Variants in MSRA observed in about 807,000 individuals in gnomAD.
MSRA encodes mitochondrial peptide methionine sulfoxide reductase.
MSRA carries 54 observed loss-of-function variants against 31.3 expected under a neutral mutation model. The ratio of observed to expected loss-of-function variants is 1.73; its 90% confidence interval spans 1.39 to 2.17. The LOEUF is 2.17. Among genes scored for constraint, MSRA ranks in the 30% most tolerant of loss-of-function variants. The pLI is 0.00. For synonymous variants in MSRA, 169 were observed against 116.5 expected (o/e 1.45, Z -2.90); for missense variants, 507 against 300.9 (o/e 1.69, Z -5.07).
chr8:10,359,823 G>A (rs1208443254), intron 5 of MSRA, among the ~76,000 whole-genome samples: 3 of 152,152 alleles, frequency 2.0e-5, no homozygotes, highest in East Asian at 1.9e-4. Flanking sequence ...CGTGAACAGT[G>A]GTCTTGAGTT....
intron 5 of MSRA, among the ~76,000 whole-genome samples, chr8:10,355,998 G>A (rs558552640): frequency 2.9e-4 from 44 of 152,266 alleles, no homozygotes; most frequent in African/African-American, 9.4e-4. Flanking sequence ...CAGGTCCTAC[G>A]TGGTACCACA....
intron 1 of MSRA, among the ~76,000 whole-genome samples, chr8:10,117,263 G>T (rs1008713384): frequency 6.6e-6 from 1 of 152,160 alleles, no homozygotes; most frequent in Non-Finnish European, 1.5e-5. Context: ...AACATGGGAT[G>T]GGGGAGGAGA....
intron 5 of MSRA, among the ~76,000 whole-genome samples, chr8:10,412,631 C>G (rs1281339770): frequency 6.6e-6 from 1 of 152,118 alleles, no homozygotes; most frequent in African/African-American, 2.4e-5. Context: ...AAAATGGACA[C>G]GAGATTAGAA....
At chr8:10,257,502 G>A (rs1798246055) in intron 3 of MSRA, among the ~76,000 whole-genome samples, 1 of 152,138 alleles carries the variant, frequency 6.6e-6, no homozygotes, top group East Asian at 1.9e-4. Context: ...CGCCTCCCTG[G>A]CTCAAGCGAT....
chr8:10,111,936 A>G (rs915718616), intron 1 of MSRA, among the ~76,000 whole-genome samples: 44 of 152,324 alleles, frequency 2.9e-4, no homozygotes, highest in Non-Finnish European at 5.4e-4. Flanking sequence ...AGCTGAGGTC[A>G]TAGCCGCTTC....
At chr8:10,278,841 T>C (rs556819720) in intron 3 of MSRA, among the ~76,000 whole-genome samples, 1 of 152,332 alleles carries the variant, frequency 6.6e-6, no homozygotes, top group African/African-American at 2.4e-5. Context: ...CATCTCTACA[T>C]TCCCGTCAGA....
intron 1 of MSRA, chr8:10,096,391 A>C (rs918936301): frequency 2.9e-6 from 2 of 701,152 alleles, no homozygotes; most frequent in Admixed American, 6.0e-5. Context: ...GGAGGTGTCT[A>C]TGTCTAAGAG....
intron 5 of MSRA, among the ~76,000 whole-genome samples, chr8:10,325,462 TG>T (rs562830003): frequency 4.5e-4 from 69 of 152,192 alleles, no homozygotes; most frequent in African/African-American, 1.4e-3. Context: ...AGATCTTAGG[TG>T]TTTATCTGTG....
intron 3 of MSRA, among the ~76,000 whole-genome samples, chr8:10,254,448 A>G (rs1452341262): frequency 6.6e-6 from 1 of 152,234 alleles, no homozygotes; most frequent in Non-Finnish European, 1.5e-5. Context: ...GACTTAGCAC[A>G]TAATACCCAT....
intron 5 of MSRA, chr8:10,354,022 C>A (rs1317175719): frequency 6.1e-6 from 1 of 164,612 alleles, no homozygotes; most frequent in African/African-American, 2.4e-5. Flanking sequence ...TAGTGCCCTG[C>A]ATTGCAGTGT....
At chr8:10,134,675 G>C (rs944012572) in intron 1 of MSRA, among the ~76,000 whole-genome samples, 2 of 152,228 alleles carry the variant, frequency 1.3e-5, no homozygotes, top group African/African-American at 4.8e-5. Context: ...CGGAAGCCTG[G>C]TGGTGACAGG....
chr8:10,272,243 G>A (rs1259864645), intron 3 of MSRA, among the ~76,000 whole-genome samples: 1 of 152,168 alleles, frequency 6.6e-6, no homozygotes, highest in Non-Finnish European at 1.5e-5. Flanking sequence ...TCGATCTAGA[G>A]GTTAATGTAT....
At chr8:10,137,325 A>C (rs940337117) in intron 1 of MSRA, among the ~76,000 whole-genome samples, 13 of 152,112 alleles carry the variant, frequency 8.5e-5, no homozygotes, top group Non-Finnish European at 1.9e-4. Context: ...TGACTTAGGA[A>C]CGTCTTGGTG....
chr8:10,107,775 T>C (rs751533183), intron 1 of MSRA, among the ~76,000 whole-genome samples: 5 of 152,190 alleles, frequency 3.3e-5, no homozygotes, highest in South Asian at 2.1e-4. Flanking sequence ...GGTGAGCCTG[T>C]CTTGTCCGGG....
chr8:10,258,157 C>T (rs1035397550), intron 3 of MSRA, among the ~76,000 whole-genome samples: 2 of 152,192 alleles, frequency 1.3e-5, no homozygotes, highest in Admixed American at 1.3e-4. Flanking sequence ...GATTATCTGA[C>T]TTGTGTAAAC....
intron 1 of MSRA, among the ~76,000 whole-genome samples, chr8:10,061,395 C>T (rs182828081): frequency 5.3e-5 from 8 of 152,266 alleles, no homozygotes; most frequent in East Asian, 1.9e-4. Flanking sequence ...CCCCTTCTCC[C>T]GGAAACCCAT....
At chr8:10,149,565 CAG>C (rs890382376) in intron 1 of MSRA, among the ~76,000 whole-genome samples, 5 of 151,950 alleles carry the variant, frequency 3.3e-5, no homozygotes, top group African/African-American at 1.2e-4. Context: ...CCCCTTTTTG[CAG>C]AGAGAGAAGG....
At chr8:10,321,316 A>G (rs1391223975) in intron 5 of MSRA, among the ~76,000 whole-genome samples, 1 of 152,180 alleles carries the variant, frequency 6.6e-6, no homozygotes, top group Non-Finnish European at 1.5e-5. Flanking sequence ...AAAGTCAGGT[A>G]TGCAACAGCC....
chr8:10,291,673 G>A (rs562323757), intron 3 of MSRA, among the ~76,000 whole-genome samples: 4 of 152,046 alleles, frequency 2.6e-5, no homozygotes, highest in South Asian at 2.1e-4. Flanking sequence ...ACCCACCCTC[G>A]CCCCTTTCTC....
Sources: gnomAD v4.1 joint callset for allele counts (sites outside exome capture counted in the v4.1 genomes callset) on GRCh38, gnomAD v4.1.1 for gene constraint, MANE v1.5 for transcripts, NCBI Gene and HGNC (gene_info 2026-07-23, HGNC 2026-07-21) for gene names.